The following PRRX1 variants were observed in gnomAD, a reference collection of about 807,000 sequenced individuals.
The protein encoded by PRRX1 is paired related homeobox 1.
Under a neutral mutation model 24.0 loss-of-function variants are expected in PRRX1, and 8 were observed. The observed-to-expected ratio is 0.33, with a 90% CI of 0.20 to 0.60. The LOEUF (loss-of-function observed/expected upper bound fraction) is 0.60. PRRX1 is among the 20% of genes least tolerant of loss of function. PRRX1 has a pLI of 0.82. For synonymous variants in PRRX1, 160 were observed against 131.7 expected (o/e 1.22, Z -1.47); for missense variants, 281 against 322.4 (o/e 0.87, Z 0.98).
At chr1:170,694,559 G>A (rs940840295) in intron 1 of PRRX1, among the ~76,000 whole-genome samples, 1 of 152,096 alleles carries the variant, frequency 6.6e-6, no homozygotes, top group Admixed American at 6.6e-5. Context: ...AAGTATGAGG[G>A]TACTTATGGG....
intron 1 of PRRX1, among the ~76,000 whole-genome samples, chr1:170,676,875 C>CATAAA (rs1395046072): frequency 6.6e-6 from 1 of 152,110 alleles, no homozygotes; most frequent in Non-Finnish European, 1.5e-5. Flanking sequence ...TTAAATTCCT[C>CATAAA]TGGTTCATGT....
rs1447837061 is a variant in PRRX1 at position 170,738,649 on chromosome 1, G to A, written c.*2463G>A. The A allele has an allele frequency of 4.4e-6, 1 of 228,792 alleles. No homozygotes were observed. The highest frequency in any genetic ancestry group is 2.2e-5 in the African/African-American group (1 of 45,100). 14.2% of individuals were successfully genotyped at this position (228,792 alleles called of 1,614,324 possible). ...GGAGGTTTGGAGCTTGAAGAGAATG[G>A]CTAAGAAGATTTGAATTATAGGGAG... On this transcript the variant is annotated 3_prime_UTR_variant, in exon 4 of 4. Transcript: ENST00000239461.
chr1:170,728,732 G>A (rs543172463), intron 3 of PRRX1: 1 of 152,266 alleles, frequency 6.6e-6, no homozygotes. Flanking sequence ...GTTGACTGAA[G>A]TGTTTATATT....
rs537156617 is a variant in PRRX1, at chr1:170,739,352, C to T, written c.*3166C>T. 16 of 178,058 alleles carry T rather than the reference C, an allele frequency of 9.0e-5. No individual in the cohort carries two copies. Among genetic ancestry groups the T allele is most frequent in the South Asian group, 4.0e-4 (2 of 5,016 alleles). 11.0% of individuals were successfully genotyped at this position (178,058 alleles called of 1,614,324 possible). On this transcript the variant is annotated 3_prime_UTR_variant, in exon 4 of 4. Transcript: ENST00000239461. ...TATGTTGTAAAATATACATTGTTTG[C>T]GCTAGAATAGAAATGATTTCTTTTC...
Position 170,685,672 on chromosome 1 carries a change from T to C in PRRX1, c.241+21213T>C, listed in dbSNP as rs76643603. ...GATTTCTTTCTTTCTTTCTTTCTTTTTTTTTAATCATGGAGATCTGAAGAG... is the reference window on the plus strand; with the variant it reads ...GATTTCTTTCTTTCTTTCTTTCTTTCTTTTTAATCATGGAGATCTGAAGAG... On this transcript the variant is annotated intron_variant, in intron 1 of 3. Transcript: ENST00000239461. 1.4e-4 allele frequency among the ~76,000 whole-genome samples: 22 copies of C among 152,068 alleles called. No individual in the cohort carries two copies. In the East Asian group the frequency reaches 3.5e-3, roughly 24 times the overall value.
intron 1 of PRRX1, among the ~76,000 whole-genome samples, chr1:170,688,896 A>C (rs1340809840): frequency 1.3e-5 from 2 of 152,118 alleles, no homozygotes; most frequent in African/African-American, 4.8e-5. Context: ...AGTTCAAGTG[A>C]AATTCATATT....
chr1:170,705,763 G>A (rs771228571), intron 1 of PRRX1, among the ~76,000 whole-genome samples: 3 of 152,088 alleles, frequency 2.0e-5, no homozygotes, highest in Non-Finnish European at 4.4e-5. Flanking sequence ...AGTGGGCTAC[G>A]TAGAGAACTC....
intron 1 of PRRX1, among the ~76,000 whole-genome samples, chr1:170,682,054 T>C (rs1164093858): frequency 1.3e-5 from 2 of 151,870 alleles, no homozygotes; most frequent in African/African-American, 4.9e-5. Context: ...TCCAAAAGAT[T>C]GGTGGATGGG....
At chr1:170,726,080 G>A (rs927330838) in intron 2 of PRRX1, 140 bp from the exon 3 acceptor site, 10 of 833,268 alleles carry the variant, frequency 1.2e-5, no homozygotes, top group East Asian at 2.7e-5. Context: ...ATTGTTCTAC[G>A]GAGAATTCCA....
chr1:170,715,247 C>T (rs2101914126), intron 1 of PRRX1, among the ~76,000 whole-genome samples: 1 of 152,266 alleles, frequency 6.6e-6, no homozygotes, highest in Admixed American at 6.5e-5. Flanking sequence ...AGAAATTACT[C>T]AGTCCTTTAA....
intron 3 of PRRX1, among the ~76,000 whole-genome samples, chr1:170,732,701 T>A (rs79395499): frequency 0.018 from 2,738 of 152,292 alleles, 217 homozygotes; most frequent in Admixed American, 0.14. Context: ...ATGGCTTTGG[T>A]TCTTTTATCC....
At chr1:170,692,354 A>C (rs1654016885) in intron 1 of PRRX1, among the ~76,000 whole-genome samples, 1 of 152,128 alleles carries the variant, frequency 6.6e-6, no homozygotes, top group African/African-American at 2.4e-5. Flanking sequence ...ACTCAAAATA[A>C]CAGCCTACAA....
intron 1 of PRRX1, among the ~76,000 whole-genome samples, chr1:170,709,199 A>G (rs1476602699): frequency 6.6e-6 from 1 of 152,202 alleles, no homozygotes; most frequent in African/African-American, 2.4e-5. Context: ...TGAGAAGACT[A>G]CTTCTGGTTG....
intron 1 of PRRX1, among the ~76,000 whole-genome samples, chr1:170,682,859 AAAG>A (rs1369866716): frequency 1.5e-4 from 23 of 152,370 alleles, no homozygotes; most frequent in African/African-American, 4.6e-4. Flanking sequence ...ATATGAAAGA[AAAG>A]AAGGAGAGCT....
At chr1:170,677,522 G>A (rs2101889300) in intron 1 of PRRX1, among the ~76,000 whole-genome samples, 1 of 152,328 alleles carries the variant, frequency 6.6e-6, no homozygotes, top group African/African-American at 2.4e-5. Flanking sequence ...TATGTCCACT[G>A]TGGCTTCCCA....
chr1:170,710,135 A>G (rs1376530633), intron 1 of PRRX1, among the ~76,000 whole-genome samples: 1 of 152,180 alleles, frequency 6.6e-6, no homozygotes, highest in Admixed American at 6.5e-5. Context: ...AGGCCTGGTA[A>G]TTACATTACA....
intron 1 of PRRX1, among the ~76,000 whole-genome samples, chr1:170,674,678 G>A (rs912851912): frequency 2.7e-5 from 4 of 150,538 alleles, no homozygotes; most frequent in African/African-American, 4.9e-5. Context: ...TTTTTTGTAC[G>A]GAGTACTTCT....
intron 2 of PRRX1, among the ~76,000 whole-genome samples, chr1:170,725,107 T>C (rs1307162564): frequency 6.6e-6 from 1 of 152,136 alleles, no homozygotes. Context: ...ATAGGAATAC[T>C]TGTGATTTTT....
chr1:170,687,118 T>TTC (rs201455221), intron 1 of PRRX1, among the ~76,000 whole-genome samples: 5 of 150,540 alleles, frequency 3.3e-5, no homozygotes, highest in African/African-American at 4.9e-5. Context: ...CATTTAGGAT[T>TTC]TCTCTCTCTC....
Sources: gnomAD v4.1 joint callset for allele counts (sites outside exome capture counted in the v4.1 genomes callset) on GRCh38, gnomAD v4.1.1 for gene constraint, MANE v1.5 for transcripts, NCBI Gene and HGNC (gene_info 2026-07-23, HGNC 2026-07-21) for gene names.